The following FRMD4B variants were observed in gnomAD, a reference collection of about 807,000 sequenced individuals.
FRMD4B encodes FERM domain-containing protein 4B.
A neutral mutation model predicts 141.5 loss-of-function variants in FRMD4B; 74 were observed. That is an observed-to-expected ratio of 0.52 (90% CI 0.43 to 0.63). The LOEUF is 0.63. Ranked by LOEUF, FRMD4B falls within the 30% of genes least tolerant of loss-of-function variation. FRMD4B has a pLI of 0.00. For synonymous variants in FRMD4B, 506 were observed against 467.9 expected (o/e 1.08, Z -1.05); for missense variants, 1,366 against 1,253.4 (o/e 1.09, Z -1.36).
At chr3:69,497,595 T>C (rs1454438341) in intron 1 of FRMD4B, among the ~76,000 whole-genome samples, 1 of 152,132 alleles carries the variant, frequency 6.6e-6, no homozygotes, top group Non-Finnish European at 1.5e-5. Context: ...GTAATAATAA[T>C]AATGTCTTCC....
chr3:69,281,462 A>G (rs531261267), intron 5 of FRMD4B, among the ~76,000 whole-genome samples: 5 of 152,264 alleles, frequency 3.3e-5, no homozygotes, highest in African/African-American at 1.2e-4. Context: ...GTTATCAGCA[A>G]TACTCATTCA....
intron 1 of FRMD4B, among the ~76,000 whole-genome samples, chr3:69,456,062 G>T (rs1399861790): frequency 3.3e-5 from 5 of 152,166 alleles, no homozygotes; most frequent in African/African-American, 9.7e-5. Flanking sequence ...GTTAATAACT[G>T]GTGCCGAGTA....
intron 2 of FRMD4B, among the ~76,000 whole-genome samples, chr3:69,421,422 C>T (rs895491334): frequency 6.6e-6 from 1 of 152,202 alleles, no homozygotes; most frequent in Non-Finnish European, 1.5e-5. Context: ...TACAGGATGA[C>T]AGGGAACAGT....
At chr3:69,458,479 A>G (rs1383252878) in intron 1 of FRMD4B, among the ~76,000 whole-genome samples, 3 of 152,248 alleles carry the variant, frequency 2.0e-5, no homozygotes, top group Admixed American at 2.0e-4. Flanking sequence ...AGTAGAGGTT[A>G]GCCAAAAAGT....
At chr3:69,237,272 C>G (rs951662072) in intron 7 of FRMD4B, among the ~76,000 whole-genome samples, 7 of 152,252 alleles carry the variant, frequency 4.6e-5, no homozygotes, top group Non-Finnish European at 7.3e-5. Context: ...AGCCCTTGCT[C>G]TCCTCCCCTC....
intron 1 of FRMD4B, among the ~76,000 whole-genome samples, chr3:69,437,574 A>T (rs1705278308): frequency 7.1e-6 from 1 of 141,352 alleles, no homozygotes; most frequent in South Asian, 2.1e-4. Flanking sequence ...GTACTATTAT[A>T]TATCAGTATA....
intron 7 of FRMD4B, among the ~76,000 whole-genome samples, chr3:69,227,490 C>T (rs757050632): frequency 1.7e-4 from 26 of 151,826 alleles, no homozygotes; most frequent in Middle Eastern, 3.4e-3. Flanking sequence ...TGTGAAACCC[C>T]GTCTCTACTA....
chr3:69,346,128 T>A (rs6772606), intron 1 of FRMD4B, among the ~76,000 whole-genome samples: 151,289 of 152,166 alleles, frequency 0.99, 75,216 homozygotes, highest in East Asian at 1. Flanking sequence ...AGTGTAGAGA[T>A]GTCCTTAAAT....
intron 12 of FRMD4B, chr3:69,197,762 C>T (rs2092923717): frequency 6.6e-6 from 1 of 152,498 alleles, no homozygotes; most frequent in Admixed American, 6.5e-5. Context: ...CTTTTTATCA[C>T]AGGTATTTCC....
chr3:69,306,064 T>C lies in FRMD4B; in HGVS notation c.324-3629A>G, dbSNP rs1007268757. ...TTCATGCATATATTATAAGAAATAG[T>C]TTTTTAAAAGGATAAATTACAAATT... is the stretch of plus-strand genomic sequence containing the variant. On this transcript the variant is annotated intron_variant, in intron 3 of 22. Transcript: ENST00000398540. Among the ~76,000 whole-genome samples, 3 of 152,290 alleles carry C rather than the reference T, an allele frequency of 2.0e-5. No individual in the cohort carries two copies. The East Asian group carries it at 5.8e-4, about 29-fold the overall frequency.
chr3:69,344,026 C>T (rs889775532), intron 1 of FRMD4B, among the ~76,000 whole-genome samples: 3 of 152,204 alleles, frequency 2.0e-5, no homozygotes, highest in Non-Finnish European at 1.5e-5. Context: ...CGAAGCCTGA[C>T]ACATTGCTGG....
intron 2 of FRMD4B, among the ~76,000 whole-genome samples, chr3:69,396,742 G>A (rs186218329): frequency 1.3e-5 from 2 of 152,166 alleles, no homozygotes; most frequent in Admixed American, 1.3e-4. Flanking sequence ...TACATTACTA[G>A]TGGGAATGTA....
chr3:69,362,891 T>C (rs919168485), intron 1 of FRMD4B, among the ~76,000 whole-genome samples: 2 of 148,604 alleles, frequency 1.3e-5, no homozygotes, highest in African/African-American at 4.9e-5. Context: ...TCCTAAAAAG[T>C]TTTTCATTTT....
At chr3:69,376,526 A>C (rs1163215350) in intron 1 of FRMD4B, among the ~76,000 whole-genome samples, 5 of 152,144 alleles carry the variant, frequency 3.3e-5, no homozygotes, top group African/African-American at 1.2e-4. Context: ...ACAGCTATTT[A>C]AGCAAAAAGC....
At chr3:69,177,644 T>C (rs540053689) in intron 21 of FRMD4B, among the ~76,000 whole-genome samples, 36 of 152,328 alleles carry the variant, frequency 2.4e-4, no homozygotes, top group African/African-American at 7.5e-4. Flanking sequence ...AGTGAGATCC[T>C]ATCCCAAGAA....
At chr3:69,410,148 A>T (rs1463316453) in intron 2 of FRMD4B, among the ~76,000 whole-genome samples, 2 of 152,202 alleles carry the variant, frequency 1.3e-5, no homozygotes, top group African/African-American at 4.8e-5. Context: ...AAAAGGACAA[A>T]GTAACAAAGG....
At position 69,313,522 on chromosome 3, in the gene FRMD4B, A is replaced by T. The variant is rs1364008250; in HGVS notation, c.163-5T>A. ...GCAGTGCCTGCCTTCTGTCATCTGC[A>T]GGAACAAGACAGCAAGAGTGGTGTC... On this transcript the variant is annotated splice_region_variant and splice_polypyrimidine_tract_variant and intron_variant, in intron 1 of 22. Coordinates refer to ENST00000398540, the MANE Select transcript of FRMD4B (RefSeq NM_015123.3). 1.3e-6 allele frequency: 2 copies of T among 1,558,926 alleles called. No homozygotes were observed. Among genetic ancestry groups the T allele is most frequent in the Non-Finnish European group, 1.7e-6 (2 of 1,148,124 alleles).
rs1414735177 is a variant in FRMD4B, at chr3:69,444,573, T to C, written c.-128-11812A>G. Among the ~76,000 whole-genome samples, 4 of 152,364 alleles carry C rather than the reference T, an allele frequency of 2.6e-5. No individual in the cohort carries two copies. The East Asian group carries it at 7.7e-4, about 29-fold the overall frequency. Reference sequence around the variant, plus strand: ...CAACATCTCATGGATTTCTGTGTGATTAGGTTACGCCTGACTCTCACCCCA... The same window carrying C: ...CAACATCTCATGGATTTCTGTGTGACTAGGTTACGCCTGACTCTCACCCCA... On this transcript the variant is annotated intron_variant, in intron 1 of 5. Transcript: ENST00000459638.
intron 4 of FRMD4B, among the ~76,000 whole-genome samples, chr3:69,295,637 C>T (rs925068627): frequency 6.6e-6 from 1 of 151,910 alleles, no homozygotes; most frequent in Non-Finnish European, 1.5e-5. Flanking sequence ...TCATTGACGT[C>T]AGTAAGTGGA....
Sources: allele counts gnomAD v4.1 joint callset (sites outside exome capture counted in the v4.1 genomes callset), GRCh38; gene constraint gnomAD v4.1.1; transcripts MANE v1.5; gene names NCBI Gene and HGNC (gene_info 2026-07-23, HGNC 2026-07-21).